Variants in AGBL1 observed in about 807,000 individuals in gnomAD.
AGBL1 encodes AGBL carboxypeptidase 1.
In AGBL1, 130 loss-of-function variants were observed where a neutral mutation model predicts 118.9. That is an observed-to-expected ratio of 1.09 (90% CI 0.95 to 1.26). The LOEUF (loss-of-function observed/expected upper bound fraction) is 1.26. AGBL1 is among the 50% of genes most tolerant of loss of function. The probability of loss-of-function intolerance (pLI) is 0.00; values close to 1 mark genes in which losing one functional copy is unlikely to be tolerated. For missense variants in AGBL1, 1,584 were observed against 1,298.1 expected, an observed-to-expected ratio of 1.22 and a Z score of -3.38; for synonymous variants, 555 against 478.9, an observed-to-expected ratio of 1.16 and a Z score of -2.08.
downstream of AGBL1, among the ~76,000 whole-genome samples, chr15:86,917,786 GA>G (rs1052610901): frequency 3.3e-4 from 42 of 128,410 alleles, no homozygotes; most frequent in African/African-American, 9.1e-4. This position sits in a 1 kb window ranked among gnomAD's most constrained non-coding sequence, Gnocchi z 4.8. Flanking sequence ...GAAGGAGAGA[GA>G]GAGAAGAGAG....
In AGBL1 at chr15:86,889,576, G is replaced by A. The variant is rs549566872; in HGVS notation, c.3159-17511G>A. On this transcript the variant is annotated intron_variant, in intron 22 of 22. Transcript: ENST00000614907. The stretch of plus-strand genomic sequence containing the variant: ...GGCCCCCAACGGCAGGCCCCAGTGT[G>A]TGTTATTCCCCTCCATGTGTCCATG... Among the ~76,000 whole-genome samples, 10 of 152,218 alleles carry A rather than the reference G, an allele frequency of 6.6e-5. No individual in the cohort carries two copies. The East Asian group carries it at 1.2e-3, about 18-fold the overall frequency.
At chr15:86,258,088 A>G (rs2078925689) in intron 9 of AGBL1, 57 bp downstream of exon 9, 1 of 1,547,446 alleles carries the variant, frequency 6.5e-7, no homozygotes, top group African/African-American at 1.4e-5. Flanking sequence ...TGCACAGAAA[A>G]ATATTACTTC....
intron 23 of AGBL1, among the ~76,000 whole-genome samples, chr15:86,986,216 G>T (rs916682849): frequency 6.6e-6 from 1 of 152,256 alleles, no homozygotes. Flanking sequence ...GAGCCACGGC[G>T]CCCGGCCAGG....
At chr15:86,153,133 C>A (rs914367661) in intron 3 of AGBL1, among the ~76,000 whole-genome samples, 3 of 152,098 alleles carry the variant, frequency 2.0e-5, no homozygotes, top group Non-Finnish European at 4.4e-5. Context: ...ACTAGAATTA[C>A]CATTTGACCC....
intron 21 of AGBL1, among the ~76,000 whole-genome samples, chr15:86,582,342 A>C (rs1429602357): frequency 6.6e-6 from 1 of 152,142 alleles, no homozygotes; most frequent in Non-Finnish European, 1.5e-5. Context: ...TTACTGGTCT[A>C]TATAATCTTT....
chr15:86,286,371 A>G (rs940198208), intron 16 of AGBL1, among the ~76,000 whole-genome samples: 3 of 152,016 alleles, frequency 2.0e-5, no homozygotes, highest in Non-Finnish European at 4.4e-5. Flanking sequence ...ATTATAAGCT[A>G]TGATTACTAT....
Position 86,734,590 on chromosome 15 carries a change from A to G in AGBL1, c.3158+60154A>G, listed in dbSNP as rs114423592. Among the ~76,000 whole-genome samples, 934 of 152,228 alleles carry G rather than the reference A, an allele frequency of 6.1e-3. 11 individuals carry two copies. Among genetic ancestry groups the G allele is most frequent in the African/African-American group, 0.021 (885 of 41,554 alleles). On this transcript the variant is annotated intron_variant, in intron 22 of 22. Coordinates refer to ENST00000614907, the MANE Select transcript of AGBL1 (RefSeq NM_001386094.1). ...ATACATCCTTCATGCTGGTTCTCCT[A>G]CCTGCTCAGAGCCACAGCCGGCCAA...
chr15:86,891,651 C>G (rs1353572216), intron 22 of AGBL1, among the ~76,000 whole-genome samples: 1 of 151,690 alleles, frequency 6.6e-6, no homozygotes, highest in Non-Finnish European at 1.5e-5. Context: ...AGCAACAGCA[C>G]CATCATTCAT....
rs1234023260 is a variant in AGBL1, at chr15:86,819,106, AT to A, written c.3159-87976del. Among the ~76,000 whole-genome samples, 57 of 152,168 alleles carry A rather than the reference AT, an allele frequency of 3.7e-4. 1 individual carries two copies. Among genetic ancestry groups the A allele is most frequent in the African/African-American group, 1.3e-3 (55 of 41,530 alleles). ...AAAATATTTCCAAAGTATAGCCAGC[AT>A]TTTTGTCCACAGGGAGCAGAAAAAG... On this transcript the variant is annotated intron_variant, in intron 22 of 22. Transcript: ENST00000614907.
intron 22 of AGBL1, among the ~76,000 whole-genome samples, chr15:86,865,545 T>G (rs958354806): frequency 6.6e-6 from 1 of 152,184 alleles, no homozygotes; most frequent in Admixed American, 6.5e-5. Context: ...ACAGTATAAA[T>G]AGTTTAAGCG....
chr15:86,132,645 A>G (rs1306953426), intron 1 of AGBL1, among the ~76,000 whole-genome samples: 1 of 152,188 alleles, frequency 6.6e-6, no homozygotes, highest in African/African-American at 2.4e-5. Context: ...TTAAAAGAAA[A>G]CAGAGAACCT....
At chr15:86,648,009 A>G (rs554364992) in intron 21 of AGBL1, among the ~76,000 whole-genome samples, 8 of 152,306 alleles carry the variant, frequency 5.3e-5, no homozygotes, top group African/African-American at 1.9e-4. Flanking sequence ...ACTGATCATA[A>G]TAAGGAATGA....
At chr15:86,739,779 G>A (rs2077651767) in intron 22 of AGBL1, among the ~76,000 whole-genome samples, 2 of 152,170 alleles carry the variant, frequency 1.3e-5, no homozygotes, top group South Asian at 4.1e-4. Context: ...AGGATGCAAA[G>A]ATAATTTTCA....
chr15:86,266,579 G>A (rs1490677102), intron 12 of AGBL1, 122 bp downstream of exon 12: 3 of 736,848 alleles, frequency 4.1e-6, no homozygotes, highest in Non-Finnish European at 6.4e-6. Context: ...TGAAAATCCA[G>A]GTTAAAGATC....
chr15:86,994,098 T>C (rs1010253766), intron 24 of AGBL1, among the ~76,000 whole-genome samples: 1 of 152,098 alleles, frequency 6.6e-6, no homozygotes, highest in Admixed American at 6.6e-5. Context: ...TTCAGTCCTA[T>C]GGAGACCACT....
intron 18 of AGBL1, among the ~76,000 whole-genome samples, chr15:86,478,076 G>A (rs28756385): frequency 0.071 from 10,758 of 152,068 alleles, 921 homozygotes; most frequent in African/African-American, 0.2. Context: ...CTGAAGGGAC[G>A]TATCTCAAAA....
intron 5 of AGBL1, among the ~76,000 whole-genome samples, chr15:86,197,721 T>C (rs2077837163): frequency 6.6e-6 from 1 of 152,182 alleles, no homozygotes; most frequent in East Asian, 1.9e-4. Flanking sequence ...AAGAGAACAC[T>C]AAGAGTATGG....
intron 22 of AGBL1, among the ~76,000 whole-genome samples, chr15:86,827,933 T>C (rs2141408000): frequency 7.5e-6 from 1 of 133,160 alleles, no homozygotes; most frequent in South Asian, 2.6e-4. Context: ...GCACTTGATG[T>C]AGGGCTTTTT....
chr15:86,668,243 C>T (rs575185973), intron 21 of AGBL1, among the ~76,000 whole-genome samples: 1 of 152,248 alleles, frequency 6.6e-6, no homozygotes, highest in East Asian at 1.9e-4. Context: ...TCATATCATC[C>T]ACCTTTGAGA....
Sources: allele counts gnomAD v4.1 joint callset (sites outside exome capture counted in the v4.1 genomes callset), GRCh38; gene constraint gnomAD v4.1.1; non-coding constraint Gnocchi (gnomAD v3.1); transcripts MANE v1.5; gene names NCBI Gene and HGNC (gene_info 2026-07-23, HGNC 2026-07-21).